GPR89B: variants seen among roughly 807,000 people sequenced by gnomAD.
GPR89B encodes the protein G protein-coupled receptor 89B.
In GPR89B, 25 loss-of-function variants were observed where a neutral mutation model predicts 52.4. The ratio of observed to expected loss-of-function variants is 0.48; its 90% CI spans 0.35 to 0.67. GPR89B has a LOEUF of 0.67. GPR89B is among the 30% of genes least tolerant of loss of function. The pLI is 0.01. For missense variants in GPR89B, 146 were observed against 450.2 expected, an observed-to-expected ratio of 0.32 and a Z score of 6.11; for synonymous variants, 52 against 151.2, an observed-to-expected ratio of 0.34 and a Z score of 4.81.
the GPR89B span, chr1:148,009,254 A>G: frequency 6.8e-7 from 1 of 1,477,110 alleles, no homozygotes; most frequent in African/African-American, 1.4e-5. Context: ...TCAGTCGAAG[A>G]AAAGTCATTA....
intron 7 of GPR89B, among the ~76,000 whole-genome samples, chr1:147,957,833 G>A (rs1310073135): frequency 1.3e-5 from 2 of 152,182 alleles, no homozygotes; most frequent in African/African-American, 4.8e-5. Flanking sequence ...GGGAGGCCGA[G>A]TCGGGCAGAT....
the GPR89B span, chr1:148,010,882 T>A: frequency 6.6e-6 from 1 of 152,366 alleles, no homozygotes; most frequent in African/African-American, 2.4e-5. Context: ...CCATTATAAA[T>A]AACTTGATAA....
At chr1:148,010,065 A>C in the GPR89B span, 1 of 157,040 alleles carries the variant, frequency 6.4e-6, no homozygotes, top group African/African-American at 2.4e-5. Flanking sequence ...AAAAAAAAAA[A>C]AACTCTAGTG....
At chr1:147,936,889 A>T (rs1654136715) in intron 2 of GPR89B, among the ~76,000 whole-genome samples, 1 of 152,122 alleles carries the variant, frequency 6.6e-6, no homozygotes, top group South Asian at 2.1e-4. Context: ...TATAGCCCAG[A>T]AGTTAGGAGC....
At chr1:147,932,538 T>C (rs4950351) in intron 1 of GPR89B, among the ~76,000 whole-genome samples, 1 of 152,140 alleles carries the variant, frequency 6.6e-6, no homozygotes, top group Non-Finnish European at 1.5e-5. Context: ...AAAGTTTCTC[T>C]GAATCTTTGT....
intron 12 of GPR89B, among the ~76,000 whole-genome samples, chr1:147,990,800 T>C (rs1427540933): frequency 6.6e-6 from 1 of 150,890 alleles, no homozygotes; most frequent in East Asian, 1.9e-4. Context: ...TCTGTTCCAT[T>C]GGTCTGTATC....
intron 5 of GPR89B, among the ~76,000 whole-genome samples, chr1:147,949,388 G>A (rs1363183858): frequency 3.5e-5 from 5 of 143,724 alleles, no homozygotes; most frequent in African/African-American, 1.4e-4. Context: ...CTGGGCGGGG[G>A]GCTGACCCCC....
At chr1:147,993,885 C>T (rs1378977839), downstream of GPR89B, 1 of 161,474 alleles carries the variant, frequency 6.2e-6, no homozygotes, top group Non-Finnish European at 1.3e-5. Flanking sequence ...ATTCTAGCAA[C>T]CACAACATTG....
At chr1:147,990,929 C>T (rs1400750312) in intron 12 of GPR89B, among the ~76,000 whole-genome samples, 11 of 151,694 alleles carry the variant, frequency 7.3e-5, no homozygotes, top group South Asian at 4.1e-4. Flanking sequence ...CTTGGCAATG[C>T]GGGCTCTTTT....
At chr1:147,944,984 T>C (rs1463452134) in intron 5 of GPR89B, among the ~76,000 whole-genome samples, 1 of 151,636 alleles carries the variant, frequency 6.6e-6, no homozygotes, top group Admixed American at 6.6e-5. Context: ...CTGTAACTAA[T>C]TTAAAGCAGA....
chr1:147,958,886 G>A (rs1656328552), intron 7 of GPR89B, among the ~76,000 whole-genome samples: 1 of 152,188 alleles, frequency 6.6e-6, no homozygotes, highest in East Asian at 1.9e-4. Context: ...TTTACCCAGT[G>A]GAACTAACAG....
chr1:148,021,457 G>A, the GPR89B span, among the ~76,000 whole-genome samples: 58 of 152,006 alleles, frequency 3.8e-4, no homozygotes, highest in Middle Eastern at 6.8e-3. Flanking sequence ...AGCCGAGATC[G>A]CGCCATTGCA....
At chr1:148,025,523 C>CAAAAAAAAAA in the GPR89B span, among the ~76,000 whole-genome samples, 1 of 29,658 alleles carries the variant, frequency 3.4e-5, no homozygotes, top group African/African-American at 1.0e-4. Flanking sequence ...AACTCTGTCT[C>CAAAAAAAAAA]AAAAAAAAAA....
intron 5 of GPR89B, among the ~76,000 whole-genome samples, chr1:147,946,599 C>G (rs1199596193): frequency 1.3e-5 from 2 of 151,916 alleles, no homozygotes. Flanking sequence ...GAAAAGGCCC[C>G]CAGGGCTGCT....
intron 5 of GPR89B, among the ~76,000 whole-genome samples, chr1:147,945,370 TG>T (rs1654881524): frequency 6.6e-6 from 1 of 150,910 alleles, no homozygotes; most frequent in African/African-American, 2.4e-5. Context: ...TTGGAATTAA[TG>T]TTGAATGAGC....
At chr1:147,963,312 G>T (rs1204847586) in intron 7 of GPR89B, among the ~76,000 whole-genome samples, 2 of 152,006 alleles carry the variant, frequency 1.3e-5, no homozygotes, top group Admixed American at 6.5e-5. Flanking sequence ...GGAGGCGGAG[G>T]TTGCAGTGAG....
chr1:147,998,654 C>A, the GPR89B span, among the ~76,000 whole-genome samples: 1 of 151,352 alleles, frequency 6.6e-6, no homozygotes, highest in Non-Finnish European at 1.5e-5. Flanking sequence ...ACAAGGTGGG[C>A]GGATCACTTG....
chr1:147,994,969 A>G (rs1659280346), downstream of GPR89B, among the ~76,000 whole-genome samples: 1 of 152,218 alleles, frequency 6.6e-6, no homozygotes. Flanking sequence ...CATCCAGGAA[A>G]AATTGGGCAA....
intron 7 of GPR89B, among the ~76,000 whole-genome samples, chr1:147,960,780 AG>A (rs1352133421): frequency 6.7e-6 from 1 of 149,640 alleles, no homozygotes; most frequent in Non-Finnish European, 1.5e-5. Flanking sequence ...TGAACCCAGG[AG>A]GCAAGGTTGT....
Sources: allele counts gnomAD v4.1 joint callset (sites outside exome capture counted in the v4.1 genomes callset), GRCh38; gene constraint gnomAD v4.1.1; transcripts MANE v1.5; gene names NCBI Gene and HGNC (gene_info 2026-07-23, HGNC 2026-07-21).